Variants in STK26 observed in about 807,000 individuals in gnomAD.
STK26 encodes the protein serine/threonine kinase 26, also known as serine/threonine-protein kinase 26.
A neutral mutation model predicts 34.7 loss-of-function variants in STK26; 14 were observed. The ratio of observed to expected loss-of-function variants is 0.40; its 90% confidence interval spans 0.27 to 0.63. The LOEUF (loss-of-function observed/expected upper bound fraction) is 0.63. Among genes scored for constraint, STK26 ranks in the 30% least tolerant of loss-of-function variants. The pLI is 0.38. For synonymous variants in STK26, 100 were observed against 109.8 expected, an observed-to-expected ratio of 0.91 and a Z score of 0.56; for missense variants, 226 against 309.1, an observed-to-expected ratio of 0.73 and a Z score of 2.02.
chrX:132,029,947 A>G (rs1477622386), intron 2 of STK26, among the ~76,000 whole-genome samples: 3 of 111,543 alleles, frequency 2.7e-5, no homozygotes, highest in Non-Finnish European at 5.7e-5. Flanking sequence ...CATGTATTTC[A>G]CTTTTCTTTA....
chrX:132,038,407 T>C (rs1317432614), intron 2 of STK26, among the ~76,000 whole-genome samples: 1 of 110,858 alleles, frequency 9.0e-6, no homozygotes, highest in Non-Finnish European at 1.9e-5. Context: ...GTCTAAAGAG[T>C]CTTTTTCGTT....
chrX:132,072,592 T>C (rs5977622), intron 9 of STK26, among the ~76,000 whole-genome samples: 5,848 of 111,442 alleles, frequency 0.052, 153 homozygotes, highest in African/African-American at 0.086. Context: ...TGGAGATACA[T>C]AAGCCCAGGG....
At chrX:132,062,850 G>A (rs1180209971) in intron 3 of STK26, among the ~76,000 whole-genome samples, 2 of 111,765 alleles carry the variant, frequency 1.8e-5, no homozygotes, top group African/African-American at 3.2e-5. Context: ...AAAGGTATGC[G>A]GGTAGTCTAA....
intron 2 of STK26, 124 bp downstream of exon 2, chrX:132,023,783 A>T (rs1935037975): frequency 6.0e-6 from 5 of 835,904 alleles, no homozygotes; most frequent in Non-Finnish European, 8.3e-6. Context: ...GCCGGTCACT[A>T]TGGCCAGGTG....
intron 2 of STK26, among the ~76,000 whole-genome samples, chrX:132,044,294 TA>T (rs1209241378): frequency 9.0e-6 from 1 of 111,127 alleles, no homozygotes; most frequent in African/African-American, 3.3e-5. Flanking sequence ...ATGTGTGCTC[TA>T]ATGGAGGCAC....
chrX:132,048,195 A>G (rs188748298), intron 2 of STK26, among the ~76,000 whole-genome samples: 2 of 112,045 alleles, frequency 1.8e-5, no homozygotes, highest in Admixed American at 9.5e-5. Context: ...TATATACTGT[A>G]TATTTCAAAA....
In STK26 at chrX:132,073,059, A is replaced by G; in HGVS notation, c.1192A>G (p.Lys398Glu). Reference protein sequence around the residue: ...AEAACPGITDKMVKKLIEKFQ... With the variant: ...AEAACPGITDEMVKKLIEKFQ... Reference sequence around the variant, plus strand: ...AGCCGCCTGTCCCGGCATCACAGATAAAATGGTGAAGAAACTAATTGAAAA... The same window carrying G: ...AGCCGCCTGTCCCGGCATCACAGATGAAATGGTGAAGAAACTAATTGAAAA... The change falls in exon 11 of 12, where the codon AAA becomes GAA. Residue 398 changes from lysine (K) to glutamate (E), a missense_variant. By Grantham distance (56) the Lys-to-Glu change is moderately conservative. This residue lies in a region of STK26 where 126 missense variants were observed against 132.4 expected (regional missense o/e 0.95). Coordinates refer to ENST00000394334, the MANE Select transcript of STK26 (RefSeq NM_016542.4). The G allele has an allele frequency of 8.3e-7, 1 of 1,198,038 alleles. No homozygotes were observed. Among genetic ancestry groups the G allele is most frequent in the South Asian group, 1.8e-5 (1 of 54,276 alleles).
chrX:132,069,193 T>C (rs983670488), intron 6 of STK26, among the ~76,000 whole-genome samples: 8 of 107,624 alleles, frequency 7.4e-5, no homozygotes, highest in Non-Finnish European at 1.5e-4. Context: ...GCAGGGATTT[T>C]TGTCTGGCTT....
At chrX:132,070,747 T>G (rs1159111642) in intron 7 of STK26, among the ~76,000 whole-genome samples, 1 of 112,890 alleles carries the variant, frequency 8.9e-6, no homozygotes, top group Non-Finnish European at 1.9e-5. Flanking sequence ...GAAATGTTTT[T>G]AAATGTTTAC....
At position 132,040,994 on chromosome X, in the gene STK26, T is replaced by G. The variant is rs759054901; in HGVS notation, c.43-13637T>G. On this transcript the variant is annotated intron_variant, in intron 2 of 11. Transcript: ENST00000394334. ...TAATTTGCTGCTGATTTCCTTTATC[T>G]CCATATTCAGTTAATCATGAAGTTC... Among the ~76,000 whole-genome samples, 372 of 112,023 alleles carry G rather than the reference T, an allele frequency of 3.3e-3. 1 individual carries two copies. The highest frequency in any genetic ancestry group is 0.012 in the African/African-American group (360 of 30,866).
chrX:132,062,119 C>T (rs745911544), intron 3 of STK26, among the ~76,000 whole-genome samples: 4 of 111,838 alleles, frequency 3.6e-5, no homozygotes, highest in Non-Finnish European at 5.6e-5. Flanking sequence ...TGGGAAAATG[C>T]TTGCTTTTAA....
chrX:132,065,526 A>G (rs911330051), intron 4 of STK26, among the ~76,000 whole-genome samples: 7 of 112,054 alleles, frequency 6.2e-5, no homozygotes, highest in African/African-American at 2.3e-4. Context: ...TGTGTCCCCT[A>G]TTAGTAGTTT....
chrX:132,066,266 C>A (rs1376997971), intron 4 of STK26, among the ~76,000 whole-genome samples: 1 of 111,422 alleles, frequency 9.0e-6, no homozygotes, highest in Non-Finnish European at 1.9e-5. Flanking sequence ...AACAAAAACA[C>A]ATATAATAAG....
chrX:132,027,694 G>A (rs976878351), intron 2 of STK26, among the ~76,000 whole-genome samples: 1 of 111,010 alleles, frequency 9.0e-6, no homozygotes, highest in Non-Finnish European at 1.9e-5. Context: ...TAAATGCCAG[G>A]GAAGGATTTT....
intron 2 of STK26, among the ~76,000 whole-genome samples, chrX:132,042,602 A>G (rs1926306858): frequency 1.8e-5 from 2 of 111,654 alleles, no homozygotes; most frequent in African/African-American, 6.5e-5. Context: ...TTAAAGAATT[A>G]GATAGAGTAA....
intron 2 of STK26, among the ~76,000 whole-genome samples, chrX:132,039,228 G>C (rs1926174297): frequency 9.0e-6 from 1 of 111,334 alleles, no homozygotes; most frequent in South Asian, 3.8e-4. Context: ...TTGGTTGAAA[G>C]ATAAAGTACA....
rs773176307 is a variant in STK26, at chrX:132,073,107, G to A, written c.1226+14G>A. On this transcript the variant is annotated intron_variant, in intron 11 of 11. Coordinates refer to ENST00000394334, the MANE Select transcript of STK26 (RefSeq NM_016542.4). Reference sequence around the variant, plus strand: ...AAAATTTCAAAAGTAAGTTGGAAATGTCATTTTAAAAATTATTTTGCATTT... The same window carrying A: ...AAAATTTCAAAAGTAAGTTGGAAATATCATTTTAAAAATTATTTTGCATTT... The A allele has an allele frequency of 9.5e-5, 111 of 1,173,492 alleles. No homozygotes were observed. Among genetic ancestry groups the A allele is most frequent in the Non-Finnish European group, 1.2e-4 (107 of 874,951 alleles).
intron 2 of STK26, among the ~76,000 whole-genome samples, chrX:132,037,733 T>C (rs1359020830): frequency 9.4e-6 from 1 of 106,388 alleles, no homozygotes; most frequent in African/African-American, 3.5e-5. Flanking sequence ...TGAATTCTGT[T>C]TCTGTGACAA....
chrX:132,042,168 G>C (rs1037237149), intron 2 of STK26, among the ~76,000 whole-genome samples: 1 of 111,210 alleles, frequency 9.0e-6, no homozygotes, highest in Non-Finnish European at 1.9e-5. Flanking sequence ...GGGGTAGGAT[G>C]GAGATAGGTT....
Sources: allele counts gnomAD v4.1 joint callset (sites outside exome capture counted in the v4.1 genomes callset), GRCh38; gene constraint gnomAD v4.1.1; regional missense constraint gnomAD v4.1.1; transcripts MANE v1.5; gene names NCBI Gene and HGNC (gene_info 2026-07-23, HGNC 2026-07-21).